Variants in SEMA3A observed in about 807,000 individuals in gnomAD.
The protein encoded by SEMA3A is semaphorin-3A.
A neutral mutation model predicts 97.9 loss-of-function variants in SEMA3A; 29 were observed. The ratio of observed to expected loss-of-function variants is 0.30; its 90% CI spans 0.22 to 0.40. The LOEUF is 0.40. Ranked by LOEUF, SEMA3A falls within the 10% of genes least tolerant of loss-of-function variation. SEMA3A has a pLI of 1.00. For synonymous variants in SEMA3A, 321 were observed against 323.7 expected, an observed-to-expected ratio of 0.99 and a Z score of 0.09; for missense variants, 763 against 951.3, an observed-to-expected ratio of 0.80 and a Z score of 2.60.
intron 12 of SEMA3A, among the ~76,000 whole-genome samples, chr7:84,000,146 A>AACAT (rs1790382219): frequency 6.6e-6 from 1 of 152,108 alleles, no homozygotes; most frequent in Admixed American, 6.6e-5. Flanking sequence ...TCTAAATCTA[A>AACAT]ACATACATAC....
chr7:84,327,883 T>C (rs1482945204), intron 2 of SEMA3A, among the ~76,000 whole-genome samples: 1 of 151,996 alleles, frequency 6.6e-6, no homozygotes. Flanking sequence ...TTTCGCTAGA[T>C]TTTTTAGCCA....
At chr7:84,167,132 C>T (rs968038424) in intron 1 of SEMA3A, among the ~76,000 whole-genome samples, 4 of 152,004 alleles carry the variant, frequency 2.6e-5, no homozygotes, top group Non-Finnish European at 4.4e-5. Flanking sequence ...GGAATCATTG[C>T]AGAGGAAAAA....
chr7:84,428,561 C>T (rs1345948769), intron 1 of SEMA3A, among the ~76,000 whole-genome samples: 2 of 151,762 alleles, frequency 1.3e-5, no homozygotes, highest in African/African-American at 4.8e-5. Context: ...TGAATATTGT[C>T]CTATTTGAGA....
chr7:84,154,242 A>G lies in SEMA3A; in HGVS notation c.113-19291T>C, dbSNP rs1301404130. On this transcript the variant is annotated intron_variant, in intron 1 of 16. Coordinates refer to ENST00000265362, the MANE Select transcript of SEMA3A (RefSeq NM_006080.3). ...GATTATTAAAAATACAATACAACTT[A>G]TGAGTAAAGCTGGGATGCCAAAATA... Among the ~76,000 whole-genome samples the G allele has an allele frequency of 3.3e-5, 5 of 152,286 alleles. No individual in the cohort carries two copies. The East Asian group carries it at 7.7e-4, about 23-fold the overall frequency.
chr7:84,490,199 C>CA (rs35030948), intron 1 of SEMA3A, among the ~76,000 whole-genome samples: 9,647 of 100,942 alleles, frequency 0.096, 677 homozygotes, highest in East Asian at 0.24. Context: ...GCTTTTCCAG[C>CA]AAAAAAAAAA....
chr7:84,346,150 T>C (rs1802294969), intron 2 of SEMA3A, among the ~76,000 whole-genome samples: 1 of 152,220 alleles, frequency 6.6e-6, no homozygotes, highest in African/African-American at 2.4e-5. Flanking sequence ...GCTTTAAACA[T>C]TTCTTCTTCA....
chr7:83,977,598 A>C (rs1171963883), intron 14 of SEMA3A, among the ~76,000 whole-genome samples: 1 of 152,006 alleles, frequency 6.6e-6, no homozygotes, highest in East Asian at 1.9e-4. Context: ...GGGTAAATTA[A>C]ACTTTTTTTC....
chr7:84,377,351 T>G (rs887521217), intron 1 of SEMA3A, among the ~76,000 whole-genome samples: 13 of 152,166 alleles, frequency 8.5e-5, no homozygotes, highest in Non-Finnish European at 2.9e-5. Flanking sequence ...GAATAATTTC[T>G]CAAATAAGCA....
intron 4 of SEMA3A, among the ~76,000 whole-genome samples, chr7:84,108,206 C>G (rs4732541): frequency 0.4 from 60,225 of 151,886 alleles, 13,865 homozygotes; most frequent in Admixed American, 0.51. Flanking sequence ...AGCTTAGAAA[C>G]TTAGATACAG....
chr7:84,009,269 A>G (rs917080059), intron 9 of SEMA3A, among the ~76,000 whole-genome samples: 2 of 152,206 alleles, frequency 1.3e-5, no homozygotes, highest in East Asian at 3.8e-4. Flanking sequence ...AAACAGAAGA[A>G]ATGGATTCAT....
chr7:84,188,740 A>C (rs937258042), intron 1 of SEMA3A, among the ~76,000 whole-genome samples: 2 of 151,868 alleles, frequency 1.3e-5, no homozygotes, highest in Non-Finnish European at 2.9e-5. Context: ...TTTACAGATT[A>C]ATTTCACATA....
chr7:84,308,971 C>A (rs1424658594), intron 2 of SEMA3A, among the ~76,000 whole-genome samples: 1 of 151,996 alleles, frequency 6.6e-6, no homozygotes, highest in East Asian at 1.9e-4. Flanking sequence ...GTGCCTGCCA[C>A]CACACCCGGC....
intron 1 of SEMA3A, among the ~76,000 whole-genome samples, chr7:84,390,260 T>C (rs1443202587): frequency 6.6e-6 from 1 of 151,450 alleles, no homozygotes; most frequent in Non-Finnish European, 1.5e-5. Context: ...CCAATGCCGT[T>C]ATGGTAGGAA....
intron 15 of SEMA3A, among the ~76,000 whole-genome samples, chr7:83,970,930 T>C (rs1292084715): frequency 2.0e-5 from 3 of 152,230 alleles, no homozygotes; most frequent in African/African-American, 2.4e-5. Flanking sequence ...TTTTTCTCAT[T>C]GGACTCTACA....
Position 84,424,515 on chromosome 7 carries a change from AATATATGTT to A in SEMA3A, c.-245-52624_-245-52616del, listed in dbSNP as rs1406812932. Among the ~76,000 whole-genome samples, 449 of 77,072 alleles carry A rather than the reference AATATATGTT, an allele frequency of 5.8e-3. 2 individuals are homozygous for A. The highest frequency in any genetic ancestry group is 8.8e-3 in the Non-Finnish European group (391 of 44,640). 50.6% of individuals were successfully genotyped at this position (77,072 alleles called of 152,430 possible). On this transcript the variant is annotated intron_variant, in intron 1 of 3. Coordinates refer to the SEMA3A transcript ENST00000424555. ...ATATAATATATAATATATAAATATT[AATATATGTT>A]ATATATAATATATAAATATTAATAT...
chr7:84,123,381 T>A (rs565047628), intron 3 of SEMA3A, among the ~76,000 whole-genome samples: 3 of 151,638 alleles, frequency 2.0e-5, no homozygotes, highest in Admixed American at 6.6e-5. Context: ...ATATATATAT[T>A]TTTCAAATAA....
intron 3 of SEMA3A, among the ~76,000 whole-genome samples, chr7:84,281,083 G>A (rs1241355090): frequency 6.6e-6 from 1 of 152,096 alleles, no homozygotes; most frequent in Non-Finnish European, 1.5e-5. Context: ...TGGTATGTTA[G>A]AAACTGGATG....
At chr7:84,065,984 C>G (rs1039538219) in intron 4 of SEMA3A, among the ~76,000 whole-genome samples, 2 of 151,544 alleles carry the variant, frequency 1.3e-5, no homozygotes, top group African/African-American at 4.9e-5. Flanking sequence ...GAATTTTAGA[C>G]CAATATCCTT....
At chr7:84,083,068 A>G (rs1310992079) in intron 4 of SEMA3A, among the ~76,000 whole-genome samples, 1 of 151,908 alleles carries the variant, frequency 6.6e-6, no homozygotes, top group African/African-American at 2.4e-5. Context: ...CAAAATGTAA[A>G]CCAGGCCCAA....
Sources: gnomAD v4.1 joint callset for allele counts (sites outside exome capture counted in the v4.1 genomes callset) on GRCh38, gnomAD v4.1.1 for gene constraint, MANE v1.5 for transcripts, NCBI Gene and HGNC (gene_info 2026-07-23, HGNC 2026-07-21) for gene names.